The following CFAP58 variants were observed in gnomAD, a reference collection of about 807,000 sequenced individuals.
CFAP58 encodes cilia- and flagella-associated protein 58.
A neutral mutation model predicts 119.5 loss-of-function variants in CFAP58; 88 were observed. That is an observed-to-expected ratio of 0.74 (90% confidence interval 0.62 to 0.88). The LOEUF is 0.88. Among genes scored for constraint, CFAP58 ranks in the 40% least tolerant of loss-of-function variants. CFAP58 has a pLI of 0.00. For missense variants in CFAP58, 990 were observed against 1,021.2 expected (o/e 0.97, Z 0.42); for synonymous variants, 365 against 366.3 (o/e 1.00, Z 0.04).
intron 15 of CFAP58, among the ~76,000 whole-genome samples, chr10:104,443,332 T>G (rs1368488031): frequency 1.3e-5 from 2 of 152,218 alleles, no homozygotes; most frequent in Non-Finnish European, 2.9e-5. Context: ...ATCTCTTTCC[T>G]TGGAGTTCTT....
At chr10:104,419,209 A>G (rs2012612436) in intron 15 of CFAP58, among the ~76,000 whole-genome samples, 1 of 152,122 alleles carries the variant, frequency 6.6e-6, no homozygotes, top group Non-Finnish European at 1.5e-5. Context: ...CAGAATGCCA[A>G]TGCTAGCATA....
At chr10:104,367,679 T>G (rs1240559329) in intron 5 of CFAP58, among the ~76,000 whole-genome samples, 1 of 152,220 alleles carries the variant, frequency 6.6e-6, no homozygotes, top group East Asian at 1.9e-4. Context: ...TGCTTAATTT[T>G]TGTGTGCATG....
At chr10:104,421,846 G>T (rs1376968060) in intron 15 of CFAP58, among the ~76,000 whole-genome samples, 1 of 152,214 alleles carries the variant, frequency 6.6e-6, no homozygotes, top group Non-Finnish European at 1.5e-5. Context: ...CTCAAGGATT[G>T]CACTTAATAA....
intron 11 of CFAP58, among the ~76,000 whole-genome samples, chr10:104,396,059 A>G (rs1331850840): frequency 2.0e-5 from 3 of 152,166 alleles, no homozygotes; most frequent in African/African-American, 7.2e-5. Flanking sequence ...ACAGGATGTC[A>G]GTAGTTCTCT....
At chr10:104,343,307 C>T in the CFAP58 span, among the ~76,000 whole-genome samples, 16 of 152,338 alleles carry the variant, frequency 1.1e-4, no homozygotes, top group Middle Eastern at 6.8e-3. Flanking sequence ...TCGGAGCCCA[C>T]AGGGCCTTTA....
intron 2 of CFAP58, among the ~76,000 whole-genome samples, chr10:104,359,013 T>C (rs1434602244): frequency 6.6e-6 from 1 of 152,220 alleles, no homozygotes; most frequent in African/African-American, 2.4e-5. Context: ...TTAGTAAAGA[T>C]TGCCTTGAGA....
chr10:104,394,362 C>T (rs1272049116), intron 11 of CFAP58, among the ~76,000 whole-genome samples: 42 of 152,254 alleles, frequency 2.8e-4, no homozygotes, highest in Admixed American at 6.5e-5. Flanking sequence ...GCTTAAGAGC[C>T]ACTTGCAGAA....
intron 6 of CFAP58, 42 bp from the exon 7 acceptor site, chr10:104,370,853 C>A: frequency 1.3e-6 from 2 of 1,564,762 alleles, no homozygotes; most frequent in Non-Finnish European, 1.7e-6. Flanking sequence ...CCTGGCTCTT[C>A]ATTTACAAAG....
Position 104,365,897 on chromosome 10 carries a change from G to A in CFAP58, c.681G>A (p.Gln227=), listed in dbSNP as rs375997750. 1 of 1,613,610 alleles carries A rather than the reference G, an allele frequency of 6.2e-7. No individual in the cohort carries two copies. The highest frequency in any genetic ancestry group is 8.5e-7 in the Non-Finnish European group (1 of 1,179,806). ...AAAAACTAGAGAAAGAGCTCAAGCA[G>A]ATTCAGGCAGACATGGACAGCAGGC... The part of the protein sequence containing the change: ...KKEKLEKELK[Q]IQADMDSRQT... The change falls in exon 5 of 18, where the codon CAG becomes CAA. Residue 227 remains glutamine, a synonymous_variant. Coordinates refer to ENST00000369704, the MANE Select transcript of CFAP58 (RefSeq NM_001008723.2).
At chr10:104,412,991 G>C (rs567999376) in intron 15 of CFAP58, among the ~76,000 whole-genome samples, 1 of 152,304 alleles carries the variant, frequency 6.6e-6, no homozygotes, top group South Asian at 2.1e-4. Flanking sequence ...CATCACACTT[G>C]TAATTAATGA....
chr10:104,340,504 G>A, the CFAP58 span, among the ~76,000 whole-genome samples: 1 of 152,118 alleles, frequency 6.6e-6, no homozygotes, highest in Non-Finnish European at 1.5e-5. Flanking sequence ...CCTCATGTCT[G>A]GATTGGACAC....
Position 104,450,132 on chromosome 10 carries a change from A to C in CFAP58, c.2438A>C (p.Glu813Ala). ...VQSKEYKYEV[E>A]KLTNELQNLK... ...AGCAAAGAATATAAATATGAGGTAG[A>C]GAAACTTACCAATGAGCTCCAGAAT... The change falls in exon 17 of 18, where the codon GAG becomes GCG. Residue 813 changes from glutamate to alanine, a missense_variant. Physicochemically the swap from Glu to Ala is moderately radical, Grantham distance 107. Transcript: ENST00000369704. 6.2e-7 allele frequency: 1 copy of C among 1,613,072 alleles called. No individual in the cohort carries two copies. Among genetic ancestry groups the C allele is most frequent in the Non-Finnish European group, 8.5e-7 (1 of 1,179,224 alleles).
chr10:104,408,477 A>G (rs1435379532), intron 15 of CFAP58, among the ~76,000 whole-genome samples: 3 of 152,150 alleles, frequency 2.0e-5, no homozygotes, highest in African/African-American at 7.2e-5. Context: ...GCTGGCCACA[A>G]GTCATTTCCC....
At chr10:104,363,846 A>G (rs1404145317) in intron 3 of CFAP58, among the ~76,000 whole-genome samples, 1 of 152,242 alleles carries the variant, frequency 6.6e-6, no homozygotes, top group African/African-American at 2.4e-5. Flanking sequence ...TCTGCAGTGC[A>G]AGTTCTCCTC....
At chr10:104,392,474 G>A in intron 10 of CFAP58, 80 bp downstream of exon 10, 1 of 960,338 alleles carries the variant, frequency 1.0e-6, no homozygotes, top group Non-Finnish European at 1.5e-6. Context: ...CCTAATGGCA[G>A]AATTTAGAAT....
At chr10:104,447,841 C>T (rs371093024) in intron 16 of CFAP58, 24 bp downstream of exon 16, 9 of 1,583,708 alleles carry the variant, frequency 5.7e-6, no homozygotes, top group Non-Finnish European at 7.7e-6. Context: ...CCTGTTCCTT[C>T]CGGGTTCCAG....
chr10:104,403,231 T>C (rs2012297489), intron 13 of CFAP58, among the ~76,000 whole-genome samples: 1 of 152,148 alleles, frequency 6.6e-6, no homozygotes, highest in African/African-American at 2.4e-5. Context: ...TGATGGTTTT[T>C]ATAACTGGGA....
chr10:104,359,160 G>T (rs1231108743), intron 2 of CFAP58, among the ~76,000 whole-genome samples: 3 of 152,138 alleles, frequency 2.0e-5, no homozygotes, highest in African/African-American at 7.2e-5. Context: ...TTTTACACTA[G>T]ATTTTTTTCA....
intron 13 of CFAP58, among the ~76,000 whole-genome samples, chr10:104,401,921 T>C (rs908832273): frequency 6.6e-5 from 10 of 152,216 alleles, no homozygotes; most frequent in Admixed American, 1.3e-4. Context: ...TGGAGACAAA[T>C]GGATTCATTC....
Sources: allele counts gnomAD v4.1 joint callset (sites outside exome capture counted in the v4.1 genomes callset), GRCh38; gene constraint gnomAD v4.1.1; transcripts MANE v1.5; gene names NCBI Gene and HGNC (gene_info 2026-07-23, HGNC 2026-07-21).